Variants in SRBD1 observed in about 807,000 individuals in gnomAD.
SRBD1 encodes S1 RNA binding domain 1.
Under a neutral mutation model 115.3 loss-of-function variants are expected in SRBD1, and 88 were observed. The observed-to-expected ratio is 0.76, with a 90% CI of 0.64 to 0.91. The LOEUF (loss-of-function observed/expected upper bound fraction) is 0.91, where lower values mean the gene tolerates loss of function less well. Ranked by LOEUF, SRBD1 falls within the 40% of genes least tolerant of loss-of-function variation. SRBD1 has a pLI of 0.00. For synonymous variants in SRBD1, 509 were observed against 407.7 expected (o/e 1.25, Z -2.99); for missense variants, 1,385 against 1,177.4 (o/e 1.18, Z -2.58).
chr2:45,429,140 T>C (rs1321851407), intron 16 of SRBD1, among the ~76,000 whole-genome samples: 2 of 151,960 alleles, frequency 1.3e-5, no homozygotes, highest in African/African-American at 4.8e-5. Context: ...AGTTCTGAAA[T>C]TGAGCTAGTA....
intron 15 of SRBD1, among the ~76,000 whole-genome samples, chr2:45,486,633 T>C (rs545304290): frequency 4.6e-5 from 7 of 152,048 alleles, no homozygotes; most frequent in African/African-American, 1.7e-4. Flanking sequence ...CTTGGGATGC[T>C]GAGGCAAGAG....
intron 17 of SRBD1, 116 bp downstream of exon 17, chr2:45,419,672 A>C: frequency 1.3e-6 from 1 of 791,696 alleles, no homozygotes; most frequent in Non-Finnish European, 2.2e-6. Context: ...GTATAAACCC[A>C]TAGACGTTCT....
At chr2:45,489,232 G>T (rs963979533) in intron 14 of SRBD1, among the ~76,000 whole-genome samples, 1 of 152,150 alleles carries the variant, frequency 6.6e-6, no homozygotes. Context: ...CCATGTAGGT[G>T]TCAATATTCA....
At chr2:45,529,028 T>C (rs767514188) in intron 14 of SRBD1, among the ~76,000 whole-genome samples, 1 of 151,930 alleles carries the variant, frequency 6.6e-6, no homozygotes, top group African/African-American at 2.4e-5. Flanking sequence ...TAAATTTTGA[T>C]AGTCAAAGTG....
At chr2:45,486,496 G>C (rs1670123636) in intron 15 of SRBD1, among the ~76,000 whole-genome samples, 1 of 152,056 alleles carries the variant, frequency 6.6e-6, no homozygotes, top group South Asian at 2.1e-4. Context: ...GGGAGGCCGA[G>C]GTGGGTGGAT....
At chr2:45,400,205 C>T (rs1287226690) in intron 19 of SRBD1, among the ~76,000 whole-genome samples, 1 of 152,072 alleles carries the variant, frequency 6.6e-6, no homozygotes, top group African/African-American at 2.4e-5. Flanking sequence ...CTTATGGTGA[C>T]ACTGAGAATC....
intron 14 of SRBD1, among the ~76,000 whole-genome samples, chr2:45,522,345 A>G (rs1671311543): frequency 6.6e-6 from 1 of 152,004 alleles, no homozygotes; most frequent in African/African-American, 2.4e-5. Flanking sequence ...CACCAGGCTA[A>G]TTTTTTTATT....
chr2:45,418,565 T>G, intron 17 of SRBD1, 24 bp from the exon 18 acceptor site: 1 of 1,582,730 alleles, frequency 6.3e-7, no homozygotes, highest in Non-Finnish European at 8.5e-7. Flanking sequence ...ATAAGCAAAC[T>G]GAAAAAAAGA....
At chr2:45,589,527 C>T (rs1384527764) in intron 4 of SRBD1, among the ~76,000 whole-genome samples, 1 of 152,166 alleles carries the variant, frequency 6.6e-6, no homozygotes, top group Non-Finnish European at 1.5e-5. Context: ...ATTGTTAGAG[C>T]AATCCATGGG....
chr2:45,514,663 G>A (rs533095938), intron 14 of SRBD1, among the ~76,000 whole-genome samples: 33 of 152,204 alleles, frequency 2.2e-4, no homozygotes, highest in African/African-American at 7.9e-4. Flanking sequence ...TGGGATGGCG[G>A]CGGGGAGGGT....
At chr2:45,407,232 A>C (rs1667462683) in intron 19 of SRBD1, among the ~76,000 whole-genome samples, 1 of 152,192 alleles carries the variant, frequency 6.6e-6, no homozygotes, top group African/African-American at 2.4e-5. Context: ...GTAATGAGGA[A>C]GTAGTCAATG....
intron 16 of SRBD1, among the ~76,000 whole-genome samples, chr2:45,457,865 A>C (rs1226869747): frequency 1.3e-5 from 2 of 152,012 alleles, no homozygotes; most frequent in African/African-American, 4.8e-5. Context: ...CTTCAGATGA[A>C]AAACAGTACA....
rs532450717 is a variant in SRBD1, at chr2:45,471,618, C to A, written c.2049+5375G>T. On this transcript the variant is annotated intron_variant, in intron 16 of 20. Transcript: ENST00000263736. The stretch of plus-strand genomic sequence containing the variant: ...CTAGAAATAGTAATTTAGACTTCTA[C>A]CAGCAGTGTATATAAAATGTTCACC... Among the ~76,000 whole-genome samples the A allele has an allele frequency of 8.5e-4, 129 of 152,208 alleles. 1 individual carries two copies. Among genetic ancestry groups the A allele is most frequent in the African/African-American group, 3.0e-3 (125 of 41,548 alleles).
chr2:45,492,652 G>A (rs1181267276), intron 14 of SRBD1, among the ~76,000 whole-genome samples: 1 of 151,990 alleles, frequency 6.6e-6, no homozygotes, highest in African/African-American at 2.4e-5. Context: ...TGTTAGCCAC[G>A]ATGGTCTCGA....
intron 19 of SRBD1, among the ~76,000 whole-genome samples, chr2:45,394,851 T>C (rs1387196564): frequency 6.6e-6 from 1 of 152,202 alleles, no homozygotes; most frequent in Admixed American, 6.5e-5. Flanking sequence ...TACCAAAACG[T>C]TGGTGTTTGG....
chr2:45,484,000 G>C (rs1670042501), intron 15 of SRBD1, among the ~76,000 whole-genome samples: 1 of 151,924 alleles, frequency 6.6e-6, no homozygotes, highest in Admixed American at 6.6e-5. Context: ...CCTAAAAAGG[G>C]TGACTTTTAC....
At chr2:45,561,933 T>C (rs1572779041) in intron 10 of SRBD1, among the ~76,000 whole-genome samples, 2 of 149,694 alleles carry the variant, frequency 1.3e-5, no homozygotes, top group East Asian at 1.9e-4. Context: ...AATAAGTTAA[T>C]TTTTGTTTCC....
intron 14 of SRBD1, among the ~76,000 whole-genome samples, chr2:45,513,216 G>T (rs1036075669): frequency 6.6e-6 from 1 of 152,128 alleles, no homozygotes; most frequent in Admixed American, 6.6e-5. Flanking sequence ...GAGCTGGACA[G>T]ATCTTTCCCC....
At chr2:45,462,156 C>T (rs1214571516) in intron 16 of SRBD1, among the ~76,000 whole-genome samples, 1 of 152,200 alleles carries the variant, frequency 6.6e-6, no homozygotes, top group Non-Finnish European at 1.5e-5. Flanking sequence ...GGCTTTTTCA[C>T]TGCACTCGCA....
Sources: allele counts gnomAD v4.1 joint callset (sites outside exome capture counted in the v4.1 genomes callset), GRCh38; gene constraint gnomAD v4.1.1; transcripts MANE v1.5; gene names NCBI Gene and HGNC (gene_info 2026-07-23, HGNC 2026-07-21).